SUSD5: variants seen among roughly 807,000 people sequenced by gnomAD.
SUSD5 encodes sushi domain containing 5.
A neutral mutation model predicts 29.5 loss-of-function variants in SUSD5; 33 were observed. That is an observed-to-expected ratio of 1.12 (90% CI 0.85 to 1.49). SUSD5 has a LOEUF of 1.49. Ranked by LOEUF, SUSD5 falls within the 40% of genes most tolerant of loss-of-function variation. The pLI, the probability that SUSD5 is intolerant of heterozygous loss-of-function variation, is 0.00. For synonymous variants in SUSD5, 308 were observed against 325.3 expected (o/e 0.95, Z 0.57); for missense variants, 776 against 800.6 (o/e 0.97, Z 0.37).
intron 3 of SUSD5, among the ~76,000 whole-genome samples, chr3:33,203,381 C>T (rs1244881003): frequency 6.6e-6 from 1 of 152,216 alleles, no homozygotes; most frequent in Non-Finnish European, 1.5e-5. Context: ...CCTGCATCCT[C>T]TTCATGGCTC....
In SUSD5 at chr3:33,159,139, C is replaced by T. The variant is rs188863368; in HGVS notation, c.599-5106G>A. Among the ~76,000 whole-genome samples, 34 of 152,276 alleles carry T rather than the reference C, an allele frequency of 2.2e-4. No homozygotes were observed. The East Asian group carries it at 6.2e-3, about 28-fold the overall frequency. On this transcript the variant is annotated intron_variant, in intron 4 of 4. Transcript: ENST00000309558. ...GGAACAACATTTGCACAGAGCTTTG[C>T]CAAAGGCAGTCCTAGGTGATGGGAA...
At chr3:33,202,102 A>G (rs2032133159) in intron 3 of SUSD5, among the ~76,000 whole-genome samples, 1 of 151,506 alleles carries the variant, frequency 6.6e-6, no homozygotes, top group Non-Finnish European at 1.5e-5. Flanking sequence ...ATCTATCTGA[A>G]GCACCCACAA....
At chr3:33,189,525 T>C (rs992477939) in intron 3 of SUSD5, among the ~76,000 whole-genome samples, 1 of 148,872 alleles carries the variant, frequency 6.7e-6, no homozygotes, top group African/African-American at 2.5e-5. Flanking sequence ...AATGATATAA[T>C]GTCCTGGATT....
At chr3:33,175,135 G>C (rs1369088675) in intron 3 of SUSD5, 61 bp from the exon 4 acceptor site, 1 of 1,567,400 alleles carries the variant, frequency 6.4e-7, no homozygotes, top group Non-Finnish European at 8.7e-7. Context: ...CAGCCTATGA[G>C]AAAACAGACT....
chr3:33,207,804 T>C lies in SUSD5; in HGVS notation c.409+4A>G. On this transcript the variant is annotated splice_donor_region_variant and intron_variant, in intron 3 of 4. Transcript: ENST00000309558. ...AGCACCTTTAAGAAGACTCTGGCACTGACCTTCATCCTTAATACAAAGGGC... is the reference window on the plus strand; with the variant it reads ...AGCACCTTTAAGAAGACTCTGGCACCGACCTTCATCCTTAATACAAAGGGC... 4 of 1,603,474 alleles carry C rather than the reference T, an allele frequency of 2.5e-6. No individual in the cohort carries two copies. The highest frequency in any genetic ancestry group is 3.4e-6 in the Non-Finnish European group (4 of 1,171,542).
At chr3:33,165,218 G>A (rs1337249885) in intron 4 of SUSD5, among the ~76,000 whole-genome samples, 2 of 152,198 alleles carry the variant, frequency 1.3e-5, no homozygotes, top group African/African-American at 2.4e-5. Flanking sequence ...AGAGCAACAT[G>A]TATGTGTCTC....
intron 2 of SUSD5, among the ~76,000 whole-genome samples, chr3:33,208,467 T>C (rs1432098270): frequency 3.3e-5 from 5 of 152,118 alleles, no homozygotes; most frequent in African/African-American, 1.2e-4. Flanking sequence ...TTTTTAAAAG[T>C]TCATCTCACA....
At chr3:33,209,163 T>C (rs750309889) in intron 2 of SUSD5, among the ~76,000 whole-genome samples, 5 of 152,244 alleles carry the variant, frequency 3.3e-5, no homozygotes, top group Admixed American at 6.5e-5. Flanking sequence ...TGTCAGTTTA[T>C]TGTTGCTCCT....
At chr3:33,168,646 T>G in intron 4 of SUSD5, 2 of 940,738 alleles carry the variant, frequency 2.1e-6, no homozygotes. Context: ...TGCCTGGTTT[T>G]ATTTTTTATT....
intron 3 of SUSD5, among the ~76,000 whole-genome samples, chr3:33,186,776 G>A (rs927290185): frequency 2.0e-4 from 31 of 152,118 alleles, no homozygotes; most frequent in African/African-American, 6.8e-4. Context: ...ATATGAGAGA[G>A]ATTTTGAATG....
chr3:33,152,082 CTATT>C lies in SUSD5; in HGVS notation c.*656_*659del, dbSNP rs1209537728. 1.3e-5 allele frequency: 2 copies of C among 152,216 alleles called. No individual in the cohort carries two copies. The highest frequency in any genetic ancestry group is 2.9e-5 in the Non-Finnish European group (2 of 68,086). 9.4% of individuals were successfully genotyped at this position (152,216 alleles called of 1,614,324 possible). On this transcript the variant is annotated 3_prime_UTR_variant, in exon 5 of 5. Transcript: ENST00000309558. Reference sequence around the variant, plus strand: ...CTCTCATACACTTGGTTTATCATGACTATTTATAAAATTTCAGGGCATGAAGCTG... The same window carrying C: ...CTCTCATACACTTGGTTTATCATGACTATAAAATTTCAGGGCATGAAGCTG...
At chr3:33,179,813 CAT>C (rs1305599332) in intron 3 of SUSD5, among the ~76,000 whole-genome samples, 1 of 152,132 alleles carries the variant, frequency 6.6e-6, no homozygotes, top group Non-Finnish European at 1.5e-5. Context: ...TTATTACAGT[CAT>C]GTGCCACATA....
chr3:33,170,780 TG>T (rs1161885140), intron 4 of SUSD5, among the ~76,000 whole-genome samples: 1 of 152,210 alleles, frequency 6.6e-6, no homozygotes, highest in African/African-American at 2.4e-5. Flanking sequence ...AACAGACAGT[TG>T]AAGTCACAGG....
At chr3:33,188,262 C>A (rs1372419569) in intron 3 of SUSD5, among the ~76,000 whole-genome samples, 3 of 152,150 alleles carry the variant, frequency 2.0e-5, no homozygotes, top group African/African-American at 7.2e-5. Flanking sequence ...GAAGAGCCTG[C>A]AAAACTCAAT....
chr3:33,160,395 A>T (rs1183725485), intron 4 of SUSD5, among the ~76,000 whole-genome samples: 1 of 79,120 alleles, frequency 1.3e-5, no homozygotes, highest in Admixed American at 1.5e-4. Flanking sequence ...CATCTCTTAA[A>T]AAAAAAAAAA....
Position 33,176,010 on chromosome 3 carries a change from T to G in SUSD5, c.410-936A>C, listed in dbSNP as rs571776452. Among the ~76,000 whole-genome samples, 7 of 152,372 alleles carry G rather than the reference T, an allele frequency of 4.6e-5. No individual in the cohort carries two copies. The East Asian group carries it at 1.3e-3, about 29-fold the overall frequency. ...CTCTGTGCTCTGCTTATTTATACCT[T>G]CCTTCTCCCTAAAGATTGCAACAGC... On this transcript the variant is annotated intron_variant, in intron 3 of 4. Transcript: ENST00000309558.
At position 33,218,708 on chromosome 3, in the gene SUSD5, C is replaced by T; in HGVS notation, c.90G>A (p.Pro30=). 1.5e-6 allele frequency: 2 copies of T among 1,321,576 alleles called. No homozygotes were observed. Among genetic ancestry groups the T allele is most frequent in the Non-Finnish European group, 1.9e-6 (2 of 1,037,632 alleles). The allele number at this position is 1,321,576 out of a possible 1,614,324, so 81.9% of individuals were successfully genotyped here. The change falls in exon 1 of 5, where the codon CCG becomes CCA. Residue 30 remains proline (P), a synonymous_variant. Transcript: ENST00000309558. ...CACCATCCGCCCGCACCGAAAGGCGCGGCAGACCGAGCAGGAGCAGCGCCG... is the reference window on the plus strand; with the variant it reads ...CACCATCCGCCCGCACCGAAAGGCGTGGCAGACCGAGCAGGAGCAGCGCCG... ...WAAALLLLGL[P]RLSVRADGKF...
At chr3:33,161,910 CATT>C (rs2031197337) in intron 4 of SUSD5, among the ~76,000 whole-genome samples, 1 of 152,032 alleles carries the variant, frequency 6.6e-6, no homozygotes, top group Non-Finnish European at 1.5e-5. Flanking sequence ...ACATCTCTAT[CATT>C]AATAATTATA....
At position 33,152,793 on chromosome 3, in the gene SUSD5, G is replaced by C; in HGVS notation, c.1839C>G (p.Gly613=). The C allele has an allele frequency of 1.2e-6, 2 of 1,613,826 alleles. No homozygotes were observed. Among genetic ancestry groups the C allele is most frequent in the South Asian group, 1.1e-5 (1 of 91,066 alleles). Residue 613 remains glycine (G), a synonymous_variant, in exon 5 of 5, where the codon GGC becomes GGG. Transcript: ENST00000309558. ...GGTGGTAGTGCCGAGCCTGCCGCTG[G>C]CCAACATTCAGCTTGTACACAGAGC... ...HKSSVYKLNV[G]QRQARHYHQQ...
Sources: gnomAD v4.1 joint callset for allele counts (sites outside exome capture counted in the v4.1 genomes callset) on GRCh38, gnomAD v4.1.1 for gene constraint, MANE v1.5 for transcripts, NCBI Gene and HGNC (gene_info 2026-07-23, HGNC 2026-07-21) for gene names.